KLHL1: variants seen among roughly 807,000 people sequenced by gnomAD.
KLHL1 encodes kelch-like protein 1.
In KLHL1, 47 loss-of-function variants were observed where a neutral mutation model predicts 77.7. The ratio of observed to expected loss-of-function variants is 0.60; its 90% confidence interval spans 0.48 to 0.77. KLHL1 has a LOEUF of 0.77. KLHL1 is among the 30% of genes least tolerant of loss of function. The pLI is 0.00. For synonymous variants in KLHL1, 360 were observed against 325.2 expected (o/e 1.11, Z -1.15); for missense variants, 925 against 910.8 (o/e 1.02, Z -0.20).
intron 7 of KLHL1, among the ~76,000 whole-genome samples, chr13:69,784,882 AT>A (rs775109435): frequency 0.067 from 5,311 of 79,230 alleles, 32 homozygotes; most frequent in African/African-American, 0.087. Context: ...CAGAATATAC[AT>A]TTTTTTTTTT....
At chr13:69,986,703 A>C (rs1456599250) in intron 1 of KLHL1, among the ~76,000 whole-genome samples, 1 of 152,002 alleles carries the variant, frequency 6.6e-6, no homozygotes, top group East Asian at 1.9e-4. Flanking sequence ...TATTCAGAAA[A>C]AGATTTTTCC....
chr13:70,027,710 C>T (rs1436823546), intron 1 of KLHL1, among the ~76,000 whole-genome samples: 1 of 135,622 alleles, frequency 7.4e-6, no homozygotes, highest in Non-Finnish European at 1.5e-5. Context: ...TGGAGCATAA[C>T]CTCTTTATGC....
rs150627076 is a variant in KLHL1, at chr13:69,924,089, C to G, written c.1014+15951G>C. 5.3e-3 allele frequency among the ~76,000 whole-genome samples: 800 copies of G among 152,306 alleles called. 13 individuals carry two copies. The highest frequency in any genetic ancestry group is 0.018 in the African/African-American group (765 of 41,568). On this transcript the variant is annotated intron_variant, in intron 4 of 10. Transcript: ENST00000377844. ...CATGCCAACTCCCTGCTGCCTCGAC[C>G]CCCTCTGGACCTTGGGCACCGATAA...
chr13:70,058,109 A>G (rs538033810), intron 1 of KLHL1, among the ~76,000 whole-genome samples: 79 of 152,284 alleles, frequency 5.2e-4, no homozygotes, highest in African/African-American at 1.9e-3. Context: ...AGAGCCATAT[A>G]TGACAGTCCC....
intron 7 of KLHL1, among the ~76,000 whole-genome samples, chr13:69,785,673 G>GAAAT (rs745883562): frequency 1.0e-3 from 150 of 150,384 alleles, no homozygotes; most frequent in Admixed American, 1.3e-3. Flanking sequence ...AGAACTGAAG[G>GAAAT]AAATAGAGAC....
chr13:69,862,699 T>TATGGATGAGGCCC (rs72342329), intron 5 of KLHL1, among the ~76,000 whole-genome samples: 1 of 151,788 alleles, frequency 6.6e-6, no homozygotes, highest in African/African-American at 2.4e-5. Flanking sequence ...AAATGAGGTA[T>TATGGATGAGGCCC]TAATGCAATA....
chr13:69,808,556 A>G, intron 6 of KLHL1, among the ~76,000 whole-genome samples: 1 of 152,156 alleles, frequency 6.6e-6, no homozygotes, highest in African/African-American at 2.4e-5. Flanking sequence ...CAGAATAAAA[A>G]AATCAAGAAG....
At chr13:69,821,471 T>C (rs1035524503) in intron 6 of KLHL1, among the ~76,000 whole-genome samples, 3 of 151,920 alleles carry the variant, frequency 2.0e-5, no homozygotes, top group Admixed American at 2.0e-4. Context: ...TGTGCCACCA[T>C]GCTTGGCTAA....
At chr13:69,810,934 T>G (rs1056007553) in intron 6 of KLHL1, among the ~76,000 whole-genome samples, 1 of 151,732 alleles carries the variant, frequency 6.6e-6, no homozygotes, top group African/African-American at 2.4e-5. Context: ...GAAGAAACAT[T>G]AATCCAGAAC....
intron 4 of KLHL1, among the ~76,000 whole-genome samples, chr13:69,890,646 GCA>G (rs146517627): frequency 3.0e-4 from 44 of 146,316 alleles, no homozygotes; most frequent in South Asian, 1.3e-3. Flanking sequence ...ACACACACAC[GCA>G]CACACACACA....
chr13:69,978,233 T>C (rs759183928), intron 1 of KLHL1, among the ~76,000 whole-genome samples: 2 of 151,904 alleles, frequency 1.3e-5, no homozygotes, highest in Non-Finnish European at 2.9e-5. Flanking sequence ...GAACATACTA[T>C]TGACTCTCAG....
Position 70,074,495 on chromosome 13 carries a change from C to T in KLHL1, c.497+32708G>A, listed in dbSNP as rs190686876. Among the ~76,000 whole-genome samples, 77 of 152,094 alleles carry T rather than the reference C, an allele frequency of 5.1e-4. 1 individual carries two copies. Among genetic ancestry groups the T allele is most frequent in the African/African-American group, 1.7e-3 (72 of 41,448 alleles). ...TCATATCCCACCACTGATTGATTAT[C>T]GTCCACCCAAGAGATTCCAAGAGGG... On this transcript the variant is annotated intron_variant, in intron 1 of 10. Transcript: ENST00000377844.
chr13:69,778,459 G>A (rs1875947769), intron 7 of KLHL1, among the ~76,000 whole-genome samples: 1 of 152,104 alleles, frequency 6.6e-6, no homozygotes, highest in Non-Finnish European at 1.5e-5. Context: ...TTTCTATTCA[G>A]TCCACAAATT....
At chr13:69,997,278 C>CT (rs1004387622) in intron 1 of KLHL1, among the ~76,000 whole-genome samples, 2 of 119,264 alleles carry the variant, frequency 1.7e-5, no homozygotes, top group Admixed American at 1.6e-4. Context: ...TTTATTTTTT[C>CT]TTTTTTATTT....
intron 1 of KLHL1, among the ~76,000 whole-genome samples, chr13:70,027,164 A>G (rs956239599): frequency 2.6e-5 from 4 of 152,150 alleles, no homozygotes; most frequent in African/African-American, 9.7e-5. Context: ...AAATAAAACT[A>G]TTACTGTATT....
At chr13:69,959,897 A>G (rs1417594034) in intron 3 of KLHL1, among the ~76,000 whole-genome samples, 2 of 151,892 alleles carry the variant, frequency 1.3e-5, no homozygotes, top group South Asian at 4.1e-4. Context: ...GCACTTAAAA[A>G]TCCTCCCTTC....
chr13:69,711,470 G>A (rs1475101760), intron 9 of KLHL1, among the ~76,000 whole-genome samples: 3 of 151,956 alleles, frequency 2.0e-5, no homozygotes, highest in East Asian at 1.9e-4. Flanking sequence ...TTGAGCAATC[G>A]AGAGTGACAA....
intron 6 of KLHL1, among the ~76,000 whole-genome samples, chr13:69,797,755 G>T (rs1361043499): frequency 6.6e-6 from 1 of 151,370 alleles, no homozygotes; most frequent in Non-Finnish European, 1.5e-5. Context: ...CATGAACCCG[G>T]GAGGCGGCGC....
chr13:69,786,745 T>C (rs1050587098), intron 7 of KLHL1, among the ~76,000 whole-genome samples: 3 of 152,206 alleles, frequency 2.0e-5, no homozygotes, highest in Admixed American at 1.3e-4. Flanking sequence ...CATGATTGTA[T>C]ATCTAGAAAA....
Sources: gnomAD v4.1 joint callset for allele counts (sites outside exome capture counted in the v4.1 genomes callset) on GRCh38, gnomAD v4.1.1 for gene constraint, MANE v1.5 for transcripts, NCBI Gene and HGNC (gene_info 2026-07-23, HGNC 2026-07-21) for gene names.